Variants in C16orf96 observed in about 807,000 individuals in gnomAD.
C16orf96 encodes chromosome 16 open reading frame 96, also known as uncharacterized protein C16orf96.
C16orf96 carries 108 observed loss-of-function variants against 103.6 expected under a neutral mutation model. The observed-to-expected ratio is 1.04, with a 90% CI of 0.89 to 1.22. The LOEUF (loss-of-function observed/expected upper bound fraction) is 1.22, where lower values mean the gene tolerates loss of function less well. C16orf96 is among the 50% of genes most tolerant of loss of function. The pLI is 0.00. For synonymous variants in C16orf96, 566 were observed against 593.5 expected (o/e 0.95, Z 0.67); for missense variants, 1,586 against 1,464.2 (o/e 1.08, Z -1.36).
intron 1 of C16orf96, among the ~76,000 whole-genome samples, chr16:4,569,962 C>A (rs560976668): frequency 1.3e-5 from 2 of 152,102 alleles, no homozygotes; most frequent in African/African-American, 4.8e-5. Flanking sequence ...ACTCAGCTGC[C>A]CAGTAGATAA....
At chr16:4,600,005 GCTTCT>G in intron 15 of C16orf96, 90 bp from the exon 16 acceptor site, 1 of 1,244,812 alleles carries the variant, frequency 8.0e-7, no homozygotes. Flanking sequence ...CTAGTCCTGG[GCTTCT>G]CTTCTCTTTA....
chr16:4,582,343 G>A (rs1195267106), intron 7 of C16orf96, among the ~76,000 whole-genome samples: 1 of 151,978 alleles, frequency 6.6e-6, no homozygotes, highest in Non-Finnish European at 1.5e-5. Context: ...CACCAAGGTT[G>A]TTTCCGTGAA....
At chr16:4,564,375 C>T (rs771963816) in intron 1 of C16orf96, among the ~76,000 whole-genome samples, 14 of 152,120 alleles carry the variant, frequency 9.2e-5, no homozygotes, top group South Asian at 4.1e-4. Flanking sequence ...AGGAAGTCCC[C>T]GGGAGAGGGA....
At chr16:4,598,837 G>C (rs1039107649) in intron 14 of C16orf96, among the ~76,000 whole-genome samples, 1 of 152,122 alleles carries the variant, frequency 6.6e-6, no homozygotes, top group South Asian at 2.1e-4. Context: ...GGCAAGGAAG[G>C]CTGGGCGTAA....
intron 11 of C16orf96, among the ~76,000 whole-genome samples, 185 bp downstream of exon 11, chr16:4,592,552 T>G (rs75321515): frequency 1.8e-4 from 28 of 152,320 alleles, no homozygotes; most frequent in African/African-American, 6.7e-4. Context: ...ACCAGGTATC[T>G]ACACATCCAC....
intron 2 of C16orf96, 126 bp downstream of exon 2, chr16:4,571,791 T>G (rs2059441539): frequency 5.2e-6 from 4 of 770,108 alleles, no homozygotes; most frequent in Middle Eastern, 3.7e-4. Flanking sequence ...TGTGGTCATG[T>G]GGACCCTCCA....
chr16:4,553,543 G>A (rs151173536), upstream of C16orf96, among the ~76,000 whole-genome samples: 243 of 152,206 alleles, frequency 1.6e-3, 1 homozygote, highest in African/African-American at 5.6e-3. Context: ...TCACCGTGTT[G>A]TGCAGGCTGG....
chr16:4,542,579 C>G, the C16orf96 span, among the ~76,000 whole-genome samples: 1 of 151,994 alleles, frequency 6.6e-6, no homozygotes, highest in Admixed American at 6.6e-5. Flanking sequence ...GGCAGATCAC[C>G]TGAGGTCAGG....
the C16orf96 span, among the ~76,000 whole-genome samples, chr16:4,541,845 G>C: frequency 2.0e-5 from 3 of 152,188 alleles, no homozygotes; most frequent in African/African-American, 7.2e-5. Context: ...CCTTTAAACA[G>C]AAACACCTAT....
chr16:4,555,599 C>G (rs987760731), upstream of C16orf96, among the ~76,000 whole-genome samples: 4 of 152,056 alleles, frequency 2.6e-5, no homozygotes, highest in African/African-American at 9.7e-5. Flanking sequence ...TCTTGAATTC[C>G]TGACCCCGTG....
chr16:4,564,062 G>A (rs563530636), intron 1 of C16orf96, among the ~76,000 whole-genome samples: 17 of 151,804 alleles, frequency 1.1e-4, no homozygotes, highest in East Asian at 3.9e-4. Context: ...GCTGCTAGTC[G>A]GGAGGCTGAG....
rs188762394 is a variant in C16orf96 at position 4,577,605 on chromosome 16, C to T, written c.2155+970C>T. Among the ~76,000 whole-genome samples, 149 of 150,130 alleles carry T rather than the reference C, an allele frequency of 9.9e-4. 1 individual carries two copies. Among genetic ancestry groups the T allele is most frequent in the Admixed American group, 8.5e-3 (127 of 14,982 alleles). Reference sequence around the variant, plus strand: ...GGCGAAGCTTGCAGTGAGCCGAGATCGTGCCACTGCATTCCAGCCTGGGCG... The same window carrying T: ...GGCGAAGCTTGCAGTGAGCCGAGATTGTGCCACTGCATTCCAGCCTGGGCG... On this transcript the variant is annotated intron_variant, in intron 5 of 15. Coordinates refer to ENST00000444310, the MANE Select transcript of C16orf96 (RefSeq NM_001145011.2).
rs564048615 is a variant in C16orf96 at position 4,567,573 on chromosome 16, G to A, written c.421-3988G>A. ...GCTGGGATTACAGGTGTGAGCCACC[G>A]CGCCCGGCCTTCTTTGACATATTCC... On this transcript the variant is annotated intron_variant, in intron 1 of 15. Transcript: ENST00000444310. 1.3e-4 allele frequency among the ~76,000 whole-genome samples: 20 copies of A among 148,256 alleles called. 1 individual carries two copies. Among genetic ancestry groups the A allele is most frequent in the African/African-American group, 3.5e-4 (14 of 40,340 alleles).
chr16:4,593,296 C>G lies in C16orf96; in HGVS notation c.2847C>G (p.Tyr949Ter). 1.9e-6 allele frequency: 3 copies of G among 1,550,928 alleles called. No individual in the cohort carries two copies. Among genetic ancestry groups the G allele is most frequent in the Non-Finnish European group, 2.6e-6 (3 of 1,146,866 alleles). ...CAGCCAGCGCCAACAGCTGCGAGTA[C>G]TTGCAGCGGCAACAGATGAGGTGAG... ...LRPASANSCE[Y>*]LQRQQMREQQ... Residue 949 changes from tyrosine (Y) to a stop codon, truncating the protein, a stop_gained, in exon 12 of 16, where the codon TAC becomes TAG. Transcript: ENST00000444310. LOFTEE classifies it high-confidence loss of function. This position sits in a 1 kb window ranked among gnomAD's most constrained non-coding sequence, Gnocchi z 4.2.
At chr16:4,581,141 C>CATATAT (rs58065868) in intron 7 of C16orf96, among the ~76,000 whole-genome samples, 1,096 of 46,654 alleles carry the variant, frequency 0.023, 63 homozygotes, top group East Asian at 0.037. Flanking sequence ...TATATGTATA[C>CATATAT]ATATATATAT....
intron 15 of C16orf96, among the ~76,000 whole-genome samples, 189 bp from the exon 16 acceptor site, chr16:4,599,911 T>C (rs1164013490): frequency 1.3e-5 from 2 of 152,216 alleles, no homozygotes; most frequent in East Asian, 3.8e-4. Context: ...GTCATTTATC[T>C]TGGGTCACCC....
chr16:4,580,863 G>A (rs1363442691), intron 7 of C16orf96, among the ~76,000 whole-genome samples: 2 of 151,886 alleles, frequency 1.3e-5, no homozygotes, highest in Admixed American at 1.3e-4. Flanking sequence ...AGAGGCTCAC[G>A]CCTGTAATCC....
chr16:4,589,415 T>G (rs8052622), intron 9 of C16orf96, among the ~76,000 whole-genome samples: 5 of 149,390 alleles, frequency 3.3e-5, no homozygotes, highest in Non-Finnish European at 7.4e-5. Context: ...TCTGTCCCCC[T>G]ACCAAAAAAA....
At position 4,569,905 on chromosome 16, in the gene C16orf96, G is replaced by A. The variant is rs148005911; in HGVS notation, c.421-1656G>A. On this transcript the variant is annotated intron_variant, in intron 1 of 15. Transcript: ENST00000444310. ...CTCACCAGGAGGACATGTTGAAAGCGTGCCCATGGCCACTTTTACAACTTA... is the reference window on the plus strand; with the variant it reads ...CTCACCAGGAGGACATGTTGAAAGCATGCCCATGGCCACTTTTACAACTTA... 3.3e-5 allele frequency among the ~76,000 whole-genome samples: 5 copies of A among 152,132 alleles called. No individual in the cohort carries two copies. In the East Asian group the frequency reaches 5.8e-4, roughly 18 times the overall value.
Sources: gnomAD v4.1 joint callset for allele counts (sites outside exome capture counted in the v4.1 genomes callset) on GRCh38, gnomAD v4.1.1 for gene constraint, Gnocchi (gnomAD v3.1) non-coding constraint, MANE v1.5 for transcripts, NCBI Gene and HGNC (gene_info 2026-07-23, HGNC 2026-07-21) for gene names.